GNL2: variants seen among roughly 807,000 people sequenced by gnomAD.
The protein encoded by GNL2 is nucleolar GTP-binding protein 2.
Under a neutral mutation model 92.3 loss-of-function variants are expected in GNL2, and 51 were observed. The observed-to-expected ratio is 0.55, with a 90% CI of 0.44 to 0.70. The LOEUF is 0.70. Among genes scored for constraint, GNL2 ranks in the 30% least tolerant of loss-of-function variants. The pLI, the probability that GNL2 is intolerant of heterozygous loss-of-function variation, is 0.00. For synonymous variants in GNL2, 283 were observed against 300.6 expected, an observed-to-expected ratio of 0.94 and a Z score of 0.61; for missense variants, 844 against 895.6, an observed-to-expected ratio of 0.94 and a Z score of 0.74.
chr1:37,585,059 CTTT>C (rs556690435), intron 5 of GNL2, among the ~76,000 whole-genome samples: 9 of 125,782 alleles, frequency 7.2e-5, no homozygotes, highest in Non-Finnish European at 8.4e-5. Context: ...TAGAAGAGTA[CTTT>C]TTTTTTTTTT....
intron 8 of GNL2, among the ~76,000 whole-genome samples, chr1:37,579,482 G>A (rs1231095169): frequency 6.6e-6 from 1 of 151,632 alleles, no homozygotes; most frequent in Non-Finnish European, 1.5e-5. Flanking sequence ...GGGAGGAGGA[G>A]GTTGCAGTGA....
chr1:37,568,235 T>C (rs748370987), intron 14 of GNL2, 40 bp downstream of exon 14: 26 of 1,278,484 alleles, frequency 2.0e-5, no homozygotes, highest in Non-Finnish European at 2.5e-5. Context: ...ACTCTAAATA[T>C]GCAAATTACA....
chr1:37,583,779 G>T, intron 6 of GNL2, 88 bp downstream of exon 6: 1 of 813,746 alleles, frequency 1.2e-6, no homozygotes. Context: ...CTGCGCAACA[G>T]AGCTTCAATA....
intron 2 of GNL2, among the ~76,000 whole-genome samples, chr1:37,593,306 G>A (rs531209379): frequency 7.9e-5 from 12 of 152,252 alleles, no homozygotes; most frequent in East Asian, 3.9e-4. Flanking sequence ...ACCAGTTAGC[G>A]GAATGCCACA....
chr1:37,582,219 A>T lies in GNL2; in HGVS notation c.909+4T>A. The T allele has an allele frequency of 1.3e-6, 2 of 1,590,778 alleles. No individual in the cohort carries two copies. Among genetic ancestry groups the T allele is most frequent in the Non-Finnish European group, 8.6e-7 (1 of 1,160,596 alleles). ...TCCAGGAGAAACAGATCAGGGCTCAATACCTTTCCAAACTGCCGCAGAAGC... is the reference window on the plus strand; with the variant it reads ...TCCAGGAGAAACAGATCAGGGCTCATTACCTTTCCAAACTGCCGCAGAAGC... On this transcript the variant is annotated splice_donor_region_variant and intron_variant, in intron 8 of 15. Coordinates refer to ENST00000373062, the MANE Select transcript of GNL2 (RefSeq NM_013285.3).
intron 13 of GNL2, 114 bp downstream of exon 13, chr1:37,568,737 C>T (rs1213266668): frequency 1.3e-6 from 1 of 786,736 alleles, no homozygotes; most frequent in Non-Finnish European, 2.1e-6. Flanking sequence ...ACAAAAAACC[C>T]AACCGAACAA....
At chr1:37,584,005 C>G in intron 5 of GNL2, 72 bp from the exon 6 acceptor site, 1 of 873,792 alleles carries the variant, frequency 1.1e-6, no homozygotes, top group Non-Finnish European at 1.9e-6. Flanking sequence ...AGGGTAAAGT[C>G]AATGTACCAA....
chr1:37,576,072 A>AC (rs1643672880), intron 9 of GNL2: 2 of 311,684 alleles, frequency 6.4e-6, no homozygotes, highest in Non-Finnish European at 1.2e-5. Flanking sequence ...CTAGGATATG[A>AC]CCCCCAACTT....
intron 8 of GNL2, among the ~76,000 whole-genome samples, chr1:37,579,895 CAA>C (rs34353424): frequency 2.4e-3 from 174 of 73,860 alleles, no homozygotes; most frequent in Middle Eastern, 9.6e-3. Flanking sequence ...GACTCTGCCT[CAA>C]AAAAAAAAAA....
intron 4 of GNL2, among the ~76,000 whole-genome samples, chr1:37,589,553 G>A (rs962455762): frequency 3.3e-5 from 5 of 152,126 alleles, no homozygotes; most frequent in African/African-American, 4.8e-5. Flanking sequence ...TGATCCACCC[G>A]CCTTGGCTTC....
At chr1:37,595,153 T>G (rs1366515275) in intron 1 of GNL2, among the ~76,000 whole-genome samples, 1 of 152,238 alleles carries the variant, frequency 6.6e-6, no homozygotes, top group Non-Finnish European at 1.5e-5. Flanking sequence ...TTCTAAACCA[T>G]ATTTTAAAAC....
chr1:37,588,726 G>A (rs375219939), intron 4 of GNL2, among the ~76,000 whole-genome samples: 1 of 152,280 alleles, frequency 6.6e-6, no homozygotes, highest in African/African-American at 2.4e-5. Context: ...TTACTGTATT[G>A]CTACAGAAAT....
intron 12 of GNL2, chr1:37,569,607 G>C: frequency 3.5e-6 from 1 of 283,610 alleles, no homozygotes; most frequent in South Asian, 5.6e-5. Flanking sequence ...CCTTCCCTAG[G>C]GGGCTGCTGA....
chr1:37,582,254 G>A lies in GNL2; in HGVS notation c.878C>T (p.Ala293Val). The A allele has an allele frequency of 6.2e-7, 1 of 1,612,530 alleles. No homozygotes were observed. Among genetic ancestry groups the A allele is most frequent in the East Asian group, 2.2e-5 (1 of 44,782 alleles). ...ASLTNPFGKG[A>V]FIQLLRQFGK... ...AAACTGCCGCAGAAGCTGAATGAAT[G>A]CTCCCTTGCCAAACGGGTTAGTAAG... is the stretch of plus-strand genomic sequence containing the variant. Residue 293 changes from alanine to valine, a missense_variant, in exon 8 of 16, where the codon GCA becomes GTA. Ala to Val is a moderately conservative substitution (Grantham distance 64, BLOSUM62 0). Transcript: ENST00000373062.
At position 37,595,915 on chromosome 1, in the gene GNL2, G is replaced by T. The variant is rs1219674464; in HGVS notation, c.-93C>A. 15 of 1,026,094 alleles carry T rather than the reference G, an allele frequency of 1.5e-5. No homozygotes were observed. The highest frequency in any genetic ancestry group is 2.0e-5 in the Non-Finnish European group (13 of 656,420). 63.6% of individuals were successfully genotyped at this position (1,026,094 alleles called of 1,614,324 possible). A position where few individuals can be genotyped will look rare whatever the true frequency, so the allele number is the denominator to read the frequency against. On this transcript the variant is annotated 5_prime_UTR_variant, in exon 1 of 16. Transcript: ENST00000373062. ...CAAGCCCGGCCGAAGACACCCGCCT[G>T]AACCACGCCGGACCACGTGTGCACG...
intron 8 of GNL2, among the ~76,000 whole-genome samples, chr1:37,577,092 C>CA (rs1281584800): frequency 1.3e-5 from 2 of 148,342 alleles, no homozygotes; most frequent in African/African-American, 5.0e-5. Flanking sequence ...GCCTGGGTGA[C>CA]AGAGACTCCA....
At chr1:37,572,541 T>C (rs1450655997) in intron 12 of GNL2, among the ~76,000 whole-genome samples, 1 of 152,076 alleles carries the variant, frequency 6.6e-6, no homozygotes, top group Non-Finnish European at 1.5e-5. Flanking sequence ...GAAACCTCCA[T>C]AAAAACCCCT....
chr1:37,568,051 AC>A (rs2148126334), intron 14 of GNL2: 2 of 591,088 alleles, frequency 3.4e-6, no homozygotes, highest in Non-Finnish European at 3.0e-6. Context: ...TTAATAATGA[AC>A]CCTTTCTAGG....
intron 12 of GNL2, among the ~76,000 whole-genome samples, chr1:37,571,129 A>T (rs1643587692): frequency 6.6e-6 from 1 of 152,210 alleles, no homozygotes; most frequent in Non-Finnish European, 1.5e-5. Flanking sequence ...AAACAGAATC[A>T]CAGAGTAAGG....
Sources: allele counts gnomAD v4.1 joint callset (sites outside exome capture counted in the v4.1 genomes callset), GRCh38; gene constraint gnomAD v4.1.1; transcripts MANE v1.5; gene names NCBI Gene and HGNC (gene_info 2026-07-23, HGNC 2026-07-21).